MTA3: variants seen among roughly 807,000 people sequenced by gnomAD.
MTA3 encodes metastasis associated 1 family member 3.
Under a neutral mutation model 83.5 loss-of-function variants are expected in MTA3, and 34 were observed. The ratio of observed to expected loss-of-function variants is 0.41; its 90% CI spans 0.31 to 0.54. MTA3 has a LOEUF of 0.54. Ranked by LOEUF, MTA3 falls within the 20% of genes least tolerant of loss-of-function variation. The pLI is 0.33. For missense variants in MTA3, 761 were observed against 726.4 expected (o/e 1.05, Z -0.55); for synonymous variants, 303 against 252.7 (o/e 1.20, Z -1.89).
intron 16 of MTA3, among the ~76,000 whole-genome samples, chr2:42,723,575 C>T (rs1198176510): frequency 1.3e-5 from 2 of 152,154 alleles, no homozygotes; most frequent in Non-Finnish European, 2.9e-5. Flanking sequence ...ATAGAAATAT[C>T]ACCTCTTATC....
At chr2:42,644,463 C>T (rs1018149008) in intron 6 of MTA3, among the ~76,000 whole-genome samples, 3 of 152,214 alleles carry the variant, frequency 2.0e-5, no homozygotes, top group Non-Finnish European at 2.9e-5. Context: ...TGGCCTCAAA[C>T]AATCCTCCCA....
At chr2:42,554,593 C>G (rs1014362205) in intron 2 of MTA3, among the ~76,000 whole-genome samples, 3 of 152,128 alleles carry the variant, frequency 2.0e-5, no homozygotes, top group African/African-American at 7.2e-5. Context: ...AAGTGAGGGA[C>G]CCCACAGGGA....
Position 42,754,127 on chromosome 2 carries a change from C to G in MTA3, c.*728C>G. ...GGTGTTCTGCCCGGCTCTGCTTGGT[C>G]ACAGACAGCTCCAGCAAGAGCAGTT... On this transcript the variant is annotated 3_prime_UTR_variant, in exon 17 of 17. Coordinates refer to ENST00000405094, the MANE Select transcript of MTA3 (RefSeq NM_001330442.2). 2 of 985,426 alleles carry G rather than the reference C, an allele frequency of 2.0e-6. No individual in the cohort carries two copies. Among genetic ancestry groups the G allele is most frequent in the Non-Finnish European group, 2.4e-6 (2 of 829,948 alleles). 61.0% of individuals were successfully genotyped at this position (985,426 alleles called of 1,614,324 possible). A position where few individuals can be genotyped will look rare whatever the true frequency, so the allele number is the denominator to read the frequency against.
intron 2 of MTA3, among the ~76,000 whole-genome samples, chr2:42,578,574 A>G (rs1265451915): frequency 6.6e-6 from 1 of 152,226 alleles, no homozygotes; most frequent in Admixed American, 6.5e-5. Flanking sequence ...TCTATTCTGC[A>G]TGATGGCTGC....
At chr2:42,633,195 A>AGAGGTTGCAGTGAGCC (rs1028660315) in intron 4 of MTA3, among the ~76,000 whole-genome samples, 4 of 151,706 alleles carry the variant, frequency 2.6e-5, no homozygotes, top group African/African-American at 9.7e-5. Flanking sequence ...CCTGGAAGGC[A>AGAGGTTGCAGTGAGCC]GAGGTTGCAG....
At chr2:42,627,956 C>G (rs1686280915) in intron 4 of MTA3, among the ~76,000 whole-genome samples, 2 of 151,924 alleles carry the variant, frequency 1.3e-5, no homozygotes, top group Non-Finnish European at 2.9e-5. Flanking sequence ...GCCATCTTGG[C>G]TTACTGCAAT....
intron 7 of MTA3, among the ~76,000 whole-genome samples, chr2:42,658,587 A>G (rs1689389384): frequency 6.6e-6 from 1 of 152,150 alleles, no homozygotes; most frequent in Non-Finnish European, 1.5e-5. Flanking sequence ...TATTTGAGCA[A>G]AACTAATCTG....
At chr2:42,624,022 A>G (rs2104211454) in intron 4 of MTA3, among the ~76,000 whole-genome samples, 1 of 152,048 alleles carries the variant, frequency 6.6e-6, no homozygotes, top group African/African-American at 2.4e-5. Context: ...CTGGTAGTTC[A>G]GATTTAAAGG....
intron 16 of MTA3, among the ~76,000 whole-genome samples, chr2:42,753,038 C>A (rs145939781): frequency 3.3e-5 from 5 of 152,152 alleles, no homozygotes; most frequent in East Asian, 1.9e-4. Context: ...AGTCCTCCCC[C>A]CTCAGCCTCC....
At chr2:42,538,662 C>T (rs1329665063) in intron 2 of MTA3, among the ~76,000 whole-genome samples, 12 of 142,478 alleles carry the variant, frequency 8.4e-5, no homozygotes, top group African/African-American at 2.6e-4. Flanking sequence ...GAGCCCAGAT[C>T]GTGCCACTGC....
rs772485331 is a variant in MTA3, at chr2:42,682,380, C to G, written c.703-21C>G. On this transcript the variant is annotated intron_variant, in intron 8 of 16. Coordinates refer to ENST00000405094, the MANE Select transcript of MTA3 (RefSeq NM_001330442.2). ...TGTTTGCATTTCTGGTTGATATTTT[C>G]TGTTCATTTTGTTTCTTTAGTTTCA... is the stretch of plus-strand genomic sequence containing the variant. 34 of 1,529,744 alleles carry G rather than the reference C, an allele frequency of 2.2e-5. No individual in the cohort carries two copies. In the Admixed American group the frequency reaches 3.2e-4, roughly 14 times the overall value. The allele number at this position is 1,529,744 out of a possible 1,614,324, so 94.8% of individuals were successfully genotyped here. A position where few individuals can be genotyped will look rare whatever the true frequency, so the allele number is the denominator to read the frequency against.
At chr2:42,517,880 AAG>A (rs1553336633) in intron 2 of MTA3, among the ~76,000 whole-genome samples, 23 of 149,424 alleles carry the variant, frequency 1.5e-4, no homozygotes, top group Admixed American at 6.7e-5. Context: ...AAAAAAAAAA[AAG>A]AAGAAAAGAA....
intron 2 of MTA3, among the ~76,000 whole-genome samples, chr2:42,496,802 T>C (rs1330917209): frequency 6.6e-6 from 1 of 152,138 alleles, no homozygotes; most frequent in Non-Finnish European, 1.5e-5. Context: ...CACAACCTTC[T>C]ACCTCATCTC....
rs1384514703 is a variant in MTA3 at position 42,704,207 on chromosome 2, C to G, written c.1039C>G (p.Pro347Ala). Residue 347 changes from proline to alanine, a missense_variant, in exon 12 of 17, where the codon CCC becomes GCC. Pro to Ala is a conservative substitution (Grantham distance 27). Coordinates refer to ENST00000405094, the MANE Select transcript of MTA3 (RefSeq NM_001330442.2). The part of the protein sequence containing the change: ...VYIPTYSKPN[P>A]NQISTSNGKP... Reference sequence around the variant, plus strand: ...TTTCATTGAAAGCAGCAAACCAAATCCCAACCAAATATCCACTAGTAATGG... The same window carrying G: ...TTTCATTGAAAGCAGCAAACCAAATGCCAACCAAATATCCACTAGTAATGG... 4 of 1,613,720 alleles carry G rather than the reference C, an allele frequency of 2.5e-6. No homozygotes were observed. The highest frequency in any genetic ancestry group is 3.4e-6 in the Non-Finnish European group (4 of 1,179,808).
At chr2:42,636,920 T>G (rs1372812908) in intron 4 of MTA3, among the ~76,000 whole-genome samples, 1 of 152,156 alleles carries the variant, frequency 6.6e-6, no homozygotes, top group Non-Finnish European at 1.5e-5. Flanking sequence ...CCACTGCGCC[T>G]GGCCCTCCTC....
chr2:42,547,508 T>A (rs1478021002), intron 2 of MTA3, among the ~76,000 whole-genome samples: 1 of 152,240 alleles, frequency 6.6e-6, no homozygotes, highest in Non-Finnish European at 1.5e-5. Context: ...TTTTTGTATT[T>A]TTAGTAGAGT....
chr2:42,676,694 A>T (rs996947091), intron 8 of MTA3, among the ~76,000 whole-genome samples: 1 of 152,352 alleles, frequency 6.6e-6, no homozygotes, highest in East Asian at 1.9e-4. Flanking sequence ...TGAGCCCAGG[A>T]GGCAGATGTT....
At chr2:42,726,449 C>T (rs995322176) in intron 16 of MTA3, among the ~76,000 whole-genome samples, 1 of 151,878 alleles carries the variant, frequency 6.6e-6, no homozygotes, top group Non-Finnish European at 1.5e-5. Context: ...TGGTGTGCTG[C>T]ACCCATTAAC....
intron 3 of MTA3, among the ~76,000 whole-genome samples, chr2:42,602,944 C>T (rs1437254881): frequency 6.6e-6 from 1 of 152,078 alleles, no homozygotes; most frequent in South Asian, 2.1e-4. Flanking sequence ...ACATGAATTT[C>T]CTCTGTCATG....
Sources: allele counts gnomAD v4.1 joint callset (sites outside exome capture counted in the v4.1 genomes callset), GRCh38; gene constraint gnomAD v4.1.1; transcripts MANE v1.5; gene names NCBI Gene and HGNC (gene_info 2026-07-23, HGNC 2026-07-21).